The following EIF4EBP1 variants were observed in gnomAD, a reference collection of about 807,000 sequenced individuals.
EIF4EBP1 encodes eukaryotic translation initiation factor 4E binding protein 1, also known as eukaryotic translation initiation factor 4E-binding protein 1.
A neutral mutation model predicts 9.2 loss-of-function variants in EIF4EBP1; 5 were observed. The ratio of observed to expected loss-of-function variants is 0.54; its 90% CI spans 0.28 to 1.14. The LOEUF is 1.14. Among genes scored for constraint, EIF4EBP1 ranks in the 50% most tolerant of loss-of-function variants. EIF4EBP1 has a pLI of 0.09. For synonymous variants in EIF4EBP1, 62 were observed against 67.0 expected (o/e 0.93, Z 0.36); for missense variants, 139 against 169.6 (o/e 0.82, Z 1.00).
intron 1 of EIF4EBP1, among the ~76,000 whole-genome samples, chr8:38,050,693 G>A (rs1203984614): frequency 6.6e-6 from 1 of 152,080 alleles, no homozygotes; most frequent in East Asian, 1.9e-4. Flanking sequence ...GCTCACTGCA[G>A]CCTCAACTTC....
At chr8:38,038,629 A>C (rs1809335176) in intron 1 of EIF4EBP1, among the ~76,000 whole-genome samples, 1 of 151,548 alleles carries the variant, frequency 6.6e-6, no homozygotes, top group Non-Finnish European at 1.5e-5. Context: ...CAGTCTCTCA[A>C]GTAGCTGGGA....
chr8:38,038,698 ATC>A (rs1372757152), intron 1 of EIF4EBP1, among the ~76,000 whole-genome samples: 1 of 151,334 alleles, frequency 6.6e-6, no homozygotes, highest in Non-Finnish European at 1.5e-5. Flanking sequence ...GTGAATTTTG[ATC>A]TGTTTCTGGG....
In EIF4EBP1 at chr8:38,037,713, T is replaced by G. The variant is rs7834087; in HGVS notation, c.145+6995T>G. ...TCCTTTCAGTTGCAGGGTATAAGTGTTTATCTCAGAATGTCCCAGGGGCAG... is the reference window on the plus strand; with the variant it reads ...TCCTTTCAGTTGCAGGGTATAAGTGGTTATCTCAGAATGTCCCAGGGGCAG... On this transcript the variant is annotated intron_variant, in intron 1 of 2. Coordinates refer to ENST00000338825, the MANE Select transcript of EIF4EBP1 (RefSeq NM_004095.4). Among the ~76,000 whole-genome samples, 668 of 152,270 alleles carry G rather than the reference T, an allele frequency of 4.4e-3. 9 individuals carry two copies. Among genetic ancestry groups the G allele is most frequent in the African/African-American group, 0.015 (625 of 41,566 alleles).
intron 1 of EIF4EBP1, among the ~76,000 whole-genome samples, chr8:38,033,531 G>A (rs563729889): frequency 5.8e-4 from 87 of 151,028 alleles, no homozygotes; most frequent in African/African-American, 1.9e-3. Context: ...TCTCTAAATC[G>A]TGGTGTGGAG....
chr8:38,058,372 A>G (rs1362649208), intron 2 of EIF4EBP1, among the ~76,000 whole-genome samples: 2 of 152,144 alleles, frequency 1.3e-5, no homozygotes, highest in Non-Finnish European at 2.9e-5. Context: ...CTGCCTTTTT[A>G]TAACACTCTT....
At chr8:38,057,330 C>G in intron 2 of EIF4EBP1, 70 bp downstream of exon 2, 7 of 1,512,322 alleles carry the variant, frequency 4.6e-6, no homozygotes, top group Non-Finnish European at 6.2e-6. Flanking sequence ...AGTCCATCCA[C>G]TGGGGGCAAT....
intron 1 of EIF4EBP1, among the ~76,000 whole-genome samples, chr8:38,037,723 A>G (rs1332784204): frequency 1.3e-5 from 2 of 152,188 alleles, no homozygotes; most frequent in Admixed American, 6.6e-5. Context: ...TTTATCTCAG[A>G]ATGTCCCAGG....
intron 1 of EIF4EBP1, among the ~76,000 whole-genome samples, chr8:38,043,240 A>G (rs1308143429): frequency 6.6e-6 from 1 of 152,130 alleles, no homozygotes; most frequent in Non-Finnish European, 1.5e-5. Context: ...CATAGGGTGC[A>G]TTTGAAGTGT....
intron 1 of EIF4EBP1, among the ~76,000 whole-genome samples, chr8:38,043,129 A>G (rs1173570454): frequency 6.6e-6 from 1 of 152,152 alleles, no homozygotes; most frequent in African/African-American, 2.4e-5. Flanking sequence ...TAACAGGGCC[A>G]TTCCCCTTTC....
At chr8:38,055,829 T>C (rs1361900039) in intron 1 of EIF4EBP1, among the ~76,000 whole-genome samples, 1 of 152,010 alleles carries the variant, frequency 6.6e-6, no homozygotes, top group Non-Finnish European at 1.5e-5. Flanking sequence ...ATCCCGTCTC[T>C]ACTAAAGATA....
At chr8:38,054,293 A>C (rs1214545924) in intron 1 of EIF4EBP1, among the ~76,000 whole-genome samples, 1 of 152,212 alleles carries the variant, frequency 6.6e-6, no homozygotes, top group African/African-American at 2.4e-5. Flanking sequence ...CTACCAAAAA[A>C]TACAAAAATT....
At position 38,059,946 on chromosome 8, in the gene EIF4EBP1, A is replaced by G. The variant is rs780095361; in HGVS notation, c.*11A>G. The G allele has an allele frequency of 3.1e-6, 5 of 1,614,042 alleles. No individual in the cohort carries two copies. The Admixed American group carries it at 5.0e-5, about 16-fold the overall frequency. On this transcript the variant is annotated 3_prime_UTR_variant, in exon 3 of 3. Transcript: ENST00000338825. ...GAGATGGACATTTAAAGCACCAGCC[A>G]TCGTGTGGAGCACTACCAAGGGGCC...
chr8:38,042,697 A>G (rs1809398564), intron 1 of EIF4EBP1, among the ~76,000 whole-genome samples: 1 of 152,166 alleles, frequency 6.6e-6, no homozygotes, highest in South Asian at 2.1e-4. Flanking sequence ...TTTTAATTTA[A>G]TCATCCCCTT....
At chr8:38,033,697 C>T (rs1422397259) in intron 1 of EIF4EBP1, among the ~76,000 whole-genome samples, 1 of 150,380 alleles carries the variant, frequency 6.6e-6, no homozygotes, top group Non-Finnish European at 1.5e-5. Context: ...AAAGAAGCAG[C>T]AGTTGGGTTG....
chr8:38,046,894 G>T (rs898251256), intron 1 of EIF4EBP1, among the ~76,000 whole-genome samples: 9 of 152,162 alleles, frequency 5.9e-5, no homozygotes, highest in Non-Finnish European at 1.2e-4. Flanking sequence ...CACACAACGG[G>T]CTGGATCCCA....
intron 1 of EIF4EBP1, among the ~76,000 whole-genome samples, chr8:38,031,877 G>C (rs1809227806): frequency 6.6e-6 from 1 of 152,234 alleles, no homozygotes; most frequent in African/African-American, 2.4e-5. Context: ...CGTTTTCCCA[G>C]ATTGGACAAG....
intron 1 of EIF4EBP1, among the ~76,000 whole-genome samples, chr8:38,046,834 A>C (rs2130390355): frequency 6.6e-6 from 1 of 152,362 alleles, no homozygotes; most frequent in Admixed American, 6.5e-5. Context: ...AATGAGCCTC[A>C]GTTATTGTCC....
At chr8:38,057,757 C>G (rs1252480552) in intron 2 of EIF4EBP1, among the ~76,000 whole-genome samples, 1 of 152,180 alleles carries the variant, frequency 6.6e-6, no homozygotes, top group Non-Finnish European at 1.5e-5. Context: ...TTCATGAAGG[C>G]AGGTAGAAAC....
intron 1 of EIF4EBP1, among the ~76,000 whole-genome samples, chr8:38,041,619 C>A (rs1809380807): frequency 6.6e-6 from 1 of 152,198 alleles, no homozygotes; most frequent in Non-Finnish European, 1.5e-5. Context: ...GGTTAAAGAA[C>A]AAAGGACACC....
Sources: gnomAD v4.1 joint callset for allele counts (sites outside exome capture counted in the v4.1 genomes callset) on GRCh38, gnomAD v4.1.1 for gene constraint, MANE v1.5 for transcripts, NCBI Gene and HGNC (gene_info 2026-07-23, HGNC 2026-07-21) for gene names.